SLC4A4: variants seen among roughly 807,000 people sequenced by gnomAD.
SLC4A4 encodes solute carrier family 4 member 4.
Under a neutral mutation model 111.5 loss-of-function variants are expected in SLC4A4, and 27 were observed. That is an observed-to-expected ratio of 0.24 (90% CI 0.18 to 0.33). SLC4A4 has a LOEUF of 0.33. SLC4A4 is among the 10% of genes least tolerant of loss of function. The pLI is 1.00. For missense variants in SLC4A4, 909 were observed against 1,315.5 expected (o/e 0.69, Z 4.78); for synonymous variants, 443 against 463.4 (o/e 0.96, Z 0.57).
intron 16 of SLC4A4, among the ~76,000 whole-genome samples, chr4:71,524,019 A>G (rs1733197487): frequency 6.6e-6 from 1 of 152,116 alleles, no homozygotes; most frequent in African/African-American, 2.4e-5. Flanking sequence ...ATAGAAACAC[A>G]AATCTACCTT....
chr4:71,432,251 G>A (rs1323439676), intron 7 of SLC4A4, among the ~76,000 whole-genome samples: 1 of 152,170 alleles, frequency 6.6e-6, no homozygotes, highest in South Asian at 2.1e-4. Flanking sequence ...GAGTCTGCTA[G>A]AGAAAATGGG....
At chr4:71,495,561 T>A (rs1382905626) in intron 15 of SLC4A4, among the ~76,000 whole-genome samples, 1 of 152,002 alleles carries the variant, frequency 6.6e-6, no homozygotes, top group Non-Finnish European at 1.5e-5. Context: ...GGGAAAGATA[T>A]ATAGTTTGTT....
At chr4:71,127,191 T>C (rs1007636279) in intron 2 of SLC4A4, among the ~76,000 whole-genome samples, 3 of 152,204 alleles carry the variant, frequency 2.0e-5, no homozygotes, top group African/African-American at 7.2e-5. Flanking sequence ...TCAAACGATC[T>C]TACCTTAATC....
chr4:71,084,345 C>A (rs191376447), intron 1 of SLC4A4, among the ~76,000 whole-genome samples: 1 of 151,996 alleles, frequency 6.6e-6, no homozygotes, highest in African/African-American at 2.4e-5. Context: ...GCAACCTCCA[C>A]GAACCTATTC....
At chr4:71,165,684 C>T (rs1326145275) in intron 2 of SLC4A4, among the ~76,000 whole-genome samples, 1 of 151,926 alleles carries the variant, frequency 6.6e-6, no homozygotes, top group Non-Finnish European at 1.5e-5. Context: ...GCACATGTAT[C>T]CCAGAAGTTA....
intron 3 of SLC4A4, among the ~76,000 whole-genome samples, chr4:71,312,237 T>C (rs892804956): frequency 1.7e-4 from 26 of 152,276 alleles, no homozygotes; most frequent in African/African-American, 5.5e-4. Context: ...GTTGAGTCCC[T>C]GAATAGACCA....
upstream of SLC4A4, among the ~76,000 whole-genome samples, chr4:71,184,137 A>T (rs1313148004): frequency 6.6e-6 from 1 of 152,204 alleles, no homozygotes; most frequent in South Asian, 2.1e-4. Flanking sequence ...AGAGTCTTTA[A>T]GGACCTAGTC....
At chr4:71,428,974 G>C (rs962979958) in intron 7 of SLC4A4, among the ~76,000 whole-genome samples, 2 of 152,080 alleles carry the variant, frequency 1.3e-5, no homozygotes, top group African/African-American at 2.4e-5. Context: ...GACAAATTGT[G>C]AGTATTCCTG....
chr4:71,114,513 A>T (rs1359781051), intron 2 of SLC4A4, among the ~76,000 whole-genome samples: 1 of 150,162 alleles, frequency 6.7e-6, no homozygotes, highest in Non-Finnish European at 1.5e-5. Flanking sequence ...ACCCCATCAA[A>T]AAGTGGGCGA....
chr4:71,144,480 G>A (rs1744106030), intron 2 of SLC4A4, among the ~76,000 whole-genome samples: 3 of 151,998 alleles, frequency 2.0e-5, no homozygotes, highest in African/African-American at 4.8e-5. Context: ...CCAATTCTGT[G>A]AAGAAAGTCA....
intron 16 of SLC4A4, among the ~76,000 whole-genome samples, chr4:71,519,208 T>C (rs775735717): frequency 2.0e-5 from 3 of 152,214 alleles, no homozygotes; most frequent in Non-Finnish European, 4.4e-5. Flanking sequence ...CTTGCTGATA[T>C]CATTTCCCAG....
At chr4:71,477,010 C>T (rs1400930169) in intron 14 of SLC4A4, among the ~76,000 whole-genome samples, 1 of 151,650 alleles carries the variant, frequency 6.6e-6, no homozygotes. Context: ...AAAGTGAAAA[C>T]TGAAAAATAT....
chr4:71,500,768 T>C (rs1560565802), intron 16 of SLC4A4, among the ~76,000 whole-genome samples: 1 of 152,214 alleles, frequency 6.6e-6, no homozygotes, highest in Non-Finnish European at 1.5e-5. Flanking sequence ...TTGTTGAAAA[T>C]CAGTTGGCCA....
chr4:71,079,427 C>T (rs746682315), intron 1 of SLC4A4, among the ~76,000 whole-genome samples: 14 of 152,156 alleles, frequency 9.2e-5, no homozygotes, highest in African/African-American at 1.4e-4. Context: ...GAATGATCTC[C>T]AAGTATCATC....
intron 1 of SLC4A4, among the ~76,000 whole-genome samples, chr4:71,091,546 C>A (rs936070605): frequency 3.9e-5 from 6 of 152,054 alleles, no homozygotes; most frequent in Non-Finnish European, 2.9e-5. Flanking sequence ...AGCCACTGCA[C>A]CCGGCCTGGC....
At chr4:71,563,687 T>C in intron 23 of SLC4A4, 106 bp from the exon 24 acceptor site, 2 of 780,730 alleles carry the variant, frequency 2.6e-6, no homozygotes, top group South Asian at 2.8e-5. Flanking sequence ...GCTTTTCTCC[T>C]TAGTAGTATG....
chr4:71,494,953 T>C (rs75523827), intron 15 of SLC4A4, among the ~76,000 whole-genome samples: 157 of 152,218 alleles, frequency 1.0e-3, no homozygotes, highest in Non-Finnish European at 2.0e-3. Flanking sequence ...TAAATAGAAT[T>C]GTTTATTAGC....
intron 3 of SLC4A4, among the ~76,000 whole-genome samples, chr4:71,304,899 CTT>C (rs1389828811): frequency 1.3e-5 from 2 of 152,186 alleles, no homozygotes; most frequent in African/African-American, 4.8e-5. Context: ...ACTTGGAACT[CTT>C]TAGTTGGGAA....
chr4:71,284,449 T>C (rs1314300017), intron 3 of SLC4A4, among the ~76,000 whole-genome samples: 2 of 152,216 alleles, frequency 1.3e-5, no homozygotes, highest in Non-Finnish European at 2.9e-5. Context: ...GAGTTAGCCT[T>C]CCTGAGATTT....
Sources: gnomAD v4.1 joint callset for allele counts (sites outside exome capture counted in the v4.1 genomes callset) on GRCh38, gnomAD v4.1.1 for gene constraint, MANE v1.5 for transcripts, NCBI Gene and HGNC (gene_info 2026-07-23, HGNC 2026-07-21) for gene names.